Variants in SEC14L4 observed in about 807,000 individuals in gnomAD.
SEC14L4 encodes SEC14-like protein 4.
In SEC14L4, 42 loss-of-function variants were observed where a neutral mutation model predicts 55.1. That is an observed-to-expected ratio of 0.76 (90% CI 0.60 to 0.99). SEC14L4 has a LOEUF of 0.99. Among genes scored for constraint, SEC14L4 ranks in the 50% least tolerant of loss-of-function variants. The pLI is 0.00. For synonymous variants in SEC14L4, 206 were observed against 206.8 expected, an observed-to-expected ratio of 1.00 and a Z score of 0.03; for missense variants, 445 against 512.1, an observed-to-expected ratio of 0.87 and a Z score of 1.27.
chr22:30,494,306 TC>T, intron 6 of SEC14L4, 96 bp from the exon 7 acceptor site: 1 of 896,340 alleles, frequency 1.1e-6, no homozygotes, highest in South Asian at 1.4e-5. Flanking sequence ...AAGAGGCCCA[TC>T]CCTGGCCCAT....
At chr22:30,504,898 C>G (rs543998299) in intron 1 of SEC14L4, among the ~76,000 whole-genome samples, 222 of 152,220 alleles carry the variant, frequency 1.5e-3, no homozygotes, top group African/African-American at 5.2e-3. Flanking sequence ...GGATGGATCA[C>G]AAGGTCAGGA....
rs1418884866 is a variant in SEC14L4, at chr22:30,503,714, G to A, written c.93C>T (p.Pro31=). 6.2e-7 allele frequency: 1 copy of A among 1,612,452 alleles called. No individual in the cohort carries two copies. Among genetic ancestry groups the A allele is most frequent in the Non-Finnish European group, 8.5e-7 (1 of 1,178,954 alleles). Residue 31 remains proline, a synonymous_variant, in exon 2 of 12, where the codon CCC becomes CCT. Coordinates refer to ENST00000255858, the MANE Select transcript of SEC14L4 (RefSeq NM_174977.4). The stretch of plus-strand genomic sequence containing the variant: ...GCAGGAGGAAGTAGTCATCAGCATT[G>A]GGCAGTATGGGCAGCAGGTCCTGGA... ...ENLQDLLPIL[P]NADDYFLLRW...
rs1935978004 is a variant in SEC14L4, at chr22:30,492,041, C to A, written c.771+8G>T. On this transcript the variant is annotated splice_region_variant and intron_variant, in intron 9 of 11. Transcript: ENST00000255858. ...CCCCTCCTTCCCCATCCTCTGGGCA[C>A]CCTGTACCTTGGTCAGGCACTTGGG... 6.2e-7 allele frequency: 1 copy of A among 1,613,750 alleles called. No individual in the cohort carries two copies. The highest frequency in any genetic ancestry group is 8.5e-7 in the Non-Finnish European group (1 of 1,179,754).
intron 6 of SEC14L4, 100 bp downstream of exon 6, chr22:30,494,766 C>A: frequency 1.3e-6 from 1 of 781,682 alleles, no homozygotes; most frequent in East Asian, 2.5e-5. Flanking sequence ...CAAGGCATCC[C>A]CACCCCTCTA....
chr22:30,496,290 AT>A (rs35492080), intron 2 of SEC14L4, among the ~76,000 whole-genome samples: 35,988 of 145,838 alleles, frequency 0.25, 4,378 homozygotes, highest in African/African-American at 0.29. Context: ...TTTTTTTTAG[AT>A]TTTTTTTTTT....
rs768431386 is a variant in SEC14L4, at chr22:30,490,137, G to C, written c.1191C>G (p.Leu397=). 1 of 1,614,148 alleles carries C rather than the reference G, an allele frequency of 6.2e-7. No individual in the cohort carries two copies. Among genetic ancestry groups the C allele is most frequent in the East Asian group, 2.2e-5 (1 of 44,868 alleles). Residue 397 remains leucine (L), a synonymous_variant, in exon 12 of 12, where the codon CTC becomes CTG. Transcript: ENST00000255858. Reference sequence around the variant, plus strand: ...GTGTTGGGGAGGGTCTCATCGCCTTGAGACTCTGCAGCGTCTCCTCAGAGG... The same window carrying C: ...GTGTTGGGGAGGGTCTCATCGCCTTCAGACTCTGCAGCGTCTCCTCAGAGG... ...DKASEETLQS[L]KAMRPSPTQ
chr22:30,491,771 C>T, intron 10 of SEC14L4, 29 bp from the exon 11 acceptor site: 2 of 1,612,632 alleles, frequency 1.2e-6, no homozygotes, highest in Non-Finnish European at 1.7e-6. Context: ...CATTGGCGAC[C>T]CCCTGCCTGG....
intron 2 of SEC14L4, among the ~76,000 whole-genome samples, chr22:30,497,830 G>C (rs978928461): frequency 1.3e-5 from 2 of 152,134 alleles, no homozygotes; most frequent in Non-Finnish European, 2.9e-5. Context: ...CAAAGAGAAC[G>C]TTCTGTGATG....
intron 11 of SEC14L4, among the ~76,000 whole-genome samples, chr22:30,490,573 G>A (rs1390197173): frequency 6.6e-6 from 1 of 152,226 alleles, no homozygotes; most frequent in East Asian, 1.9e-4. Flanking sequence ...CCACCTGCAG[G>A]GAGGAGCTGT....
chr22:30,504,947 T>C (rs1936444718), intron 1 of SEC14L4, among the ~76,000 whole-genome samples: 1 of 151,780 alleles, frequency 6.6e-6, no homozygotes, highest in East Asian at 1.9e-4. Context: ...GCCTGGCCAA[T>C]ATGGTGAAAC....
At chr22:30,503,817 C>T in intron 1 of SEC14L4, 65 bp from the exon 2 acceptor site, 1 of 1,245,174 alleles carries the variant, frequency 8.0e-7, no homozygotes, top group South Asian at 1.2e-5. Context: ...CAACCCCGCC[C>T]CTAACCCTTC....
intron 2 of SEC14L4, among the ~76,000 whole-genome samples, chr22:30,499,323 T>C (rs1203642262): frequency 6.6e-6 from 1 of 151,076 alleles, no homozygotes; most frequent in African/African-American, 2.4e-5. Flanking sequence ...CCTCAGGTGA[T>C]CCGCCTGCTT....
At chr22:30,498,953 ATTT>A (rs58137522) in intron 2 of SEC14L4, among the ~76,000 whole-genome samples, 1 of 151,634 alleles carries the variant, frequency 6.6e-6, no homozygotes, top group African/African-American at 2.4e-5. Flanking sequence ...TATTATTATT[ATTT>A]TTTTGATGGA....
intron 6 of SEC14L4, among the ~76,000 whole-genome samples, chr22:30,494,508 C>T (rs143913771): frequency 6.6e-6 from 1 of 152,328 alleles, no homozygotes; most frequent in Non-Finnish European, 1.5e-5. Flanking sequence ...TCTAGGACTA[C>T]AGGCACGTGC....
Position 30,495,426 on chromosome 22 carries a change from T to C in SEC14L4, c.251A>G (p.Asp84Gly). Reference protein sequence around the residue: ...WQPPEVIQLYDSGGLCGYDYE... With the variant: ...WQPPEVIQLYGSGGLCGYDYE... ...GTCGTAGCCACAAAGACCACCCGAG[T>C]CATACAGCTGGATGACCTGGAAGTG... The change falls in exon 5 of 12, where the codon GAC (aspartate) becomes GGC (glycine). Residue 84 changes from aspartate (D) to glycine (G), a missense_variant. Transcript: ENST00000255858. 1 of 1,613,482 alleles carries C rather than the reference T, an allele frequency of 6.2e-7. No individual in the cohort carries two copies. The highest frequency in any genetic ancestry group is 8.5e-7 in the Non-Finnish European group (1 of 1,179,786).
Position 30,492,941 on chromosome 22 carries a change from G to A in SEC14L4, c.581-384C>T, listed in dbSNP as rs2033307310. 4 of 205,034 alleles carry A rather than the reference G, an allele frequency of 2.0e-5. No individual in the cohort carries two copies. The South Asian group carries it at 2.5e-4, about 13-fold the overall frequency. 12.7% of individuals were successfully genotyped at this position (205,034 alleles called of 1,614,324 possible). ...TCTACTAAAAATACAAAAATTAGCT[G>A]AGCGTAGTGGTGCATGCTTGTAATC... On this transcript the variant is annotated intron_variant, in intron 7 of 11. Coordinates refer to ENST00000255858, the MANE Select transcript of SEC14L4 (RefSeq NM_174977.4).
In SEC14L4 at chr22:30,491,677, TCCC is replaced by T. The variant is rs1935960303; in HGVS notation, c.974_976del (p.Gly325del). On this transcript the variant is annotated inframe_deletion, in exon 11 of 12. Coordinates refer to ENST00000255858, the MANE Select transcript of SEC14L4 (RefSeq NM_174977.4). ...CGTCATCTCCCTAGCACTCTGCTGC[TCCC>T]CCATCTTGGTCTTCAGGAAAACCCC... 6.2e-7 allele frequency: 1 copy of T among 1,613,888 alleles called. No individual in the cohort carries two copies. Among genetic ancestry groups the T allele is most frequent in the Non-Finnish European group, 8.5e-7 (1 of 1,179,986 alleles).
At chr22:30,503,490 C>T (rs559189680) in intron 2 of SEC14L4, among the ~76,000 whole-genome samples, 187 bp downstream of exon 2, 3 of 151,866 alleles carry the variant, frequency 2.0e-5, no homozygotes, top group African/African-American at 4.8e-5. Context: ...CTCGAACTCC[C>T]GACCTCAGGT....
chr22:30,505,429 A>G, intron 1 of SEC14L4, 129 bp downstream of exon 1: 1 of 954,210 alleles, frequency 1.0e-6, no homozygotes, highest in Non-Finnish European at 1.6e-6. Context: ...GCTGGACCAG[A>G]GGGCAGAACA....
Sources: gnomAD v4.1 joint callset for allele counts (sites outside exome capture counted in the v4.1 genomes callset) on GRCh38, gnomAD v4.1.1 for gene constraint, MANE v1.5 for transcripts, NCBI Gene and HGNC (gene_info 2026-07-23, HGNC 2026-07-21) for gene names.